Variants in THSD7B observed in about 807,000 individuals in gnomAD.
THSD7B encodes thrombospondin type-1 domain-containing protein 7B.
Under a neutral mutation model 213.6 loss-of-function variants are expected in THSD7B, and 138 were observed. The observed-to-expected ratio is 0.65, with a 90% CI of 0.56 to 0.74. The LOEUF (loss-of-function observed/expected upper bound fraction) is 0.74, where lower values mean the gene tolerates loss of function less well. THSD7B is among the 30% of genes least tolerant of loss of function. The pLI, the probability that THSD7B is intolerant of heterozygous loss-of-function variation, is 0.00. For missense variants in THSD7B, 1,931 were observed against 1,991.5 expected (o/e 0.97, Z 0.58); for synonymous variants, 742 against 687.0 (o/e 1.08, Z -1.25).
intron 2 of THSD7B, among the ~76,000 whole-genome samples, chr2:136,903,617 A>C (rs1684097449): frequency 6.6e-6 from 1 of 152,162 alleles, no homozygotes; most frequent in African/African-American, 2.4e-5. Context: ...ACAGAGGCAC[A>C]TGGCAGGCCA....
At chr2:137,235,525 A>T (rs777439411) in intron 9 of THSD7B, among the ~76,000 whole-genome samples, 1 of 152,166 alleles carries the variant, frequency 6.6e-6, no homozygotes, top group African/African-American at 2.4e-5. Flanking sequence ...GGACAGAAAA[A>T]GTTGAGTTAT....
At chr2:137,272,385 C>T in intron 10 of THSD7B, 148 bp from the exon 11 acceptor site, 1 of 672,710 alleles carries the variant, frequency 1.5e-6, no homozygotes. Flanking sequence ...GTGTTAACTC[C>T]TGGTCTTTGC....
intron 15 of THSD7B, among the ~76,000 whole-genome samples, chr2:137,502,423 C>T (rs6430723): frequency 6.6e-6 from 1 of 152,104 alleles, no homozygotes; most frequent in Non-Finnish European, 1.5e-5. Context: ...GAGAGAAAAA[C>T]AACGAGAGGG....
At chr2:137,365,434 T>G (rs1021228038) in intron 12 of THSD7B, among the ~76,000 whole-genome samples, 4 of 152,114 alleles carry the variant, frequency 2.6e-5, no homozygotes, top group African/African-American at 9.7e-5. Context: ...CAAAAGAAAC[T>G]ACCATCAGAG....
chr2:137,030,554 T>C lies in THSD7B; in HGVS notation c.140-25866T>C, dbSNP rs1001393828. Among the ~76,000 whole-genome samples, 4 of 152,122 alleles carry C rather than the reference T, an allele frequency of 2.6e-5. No homozygotes were observed. In the East Asian group the frequency reaches 7.7e-4, roughly 29 times the overall value. On this transcript the variant is annotated intron_variant, in intron 2 of 27. Transcript: ENST00000409968. Reference sequence around the variant, plus strand: ...TCAGTATGTTGGGAGGATTTAGTGATAATGTATTTTAAGCACTAACACTCA... The same window carrying C: ...TCAGTATGTTGGGAGGATTTAGTGACAATGTATTTTAAGCACTAACACTCA...
At chr2:136,877,014 T>C (rs1462057281) in intron 1 of THSD7B, among the ~76,000 whole-genome samples, 4 of 152,164 alleles carry the variant, frequency 2.6e-5, no homozygotes, top group African/African-American at 7.2e-5. Context: ...GTGCAGAGTA[T>C]GCTCCCTGAT....
chr2:137,071,075 C>T (rs1687476993), intron 3 of THSD7B, among the ~76,000 whole-genome samples: 1 of 152,072 alleles, frequency 6.6e-6, no homozygotes, highest in Non-Finnish European at 1.5e-5. Context: ...TGGGTATATA[C>T]CCAGTAATGG....
At chr2:137,327,273 T>C (rs916278219) in intron 12 of THSD7B, among the ~76,000 whole-genome samples, 2 of 152,234 alleles carry the variant, frequency 1.3e-5, no homozygotes, top group South Asian at 2.1e-4. Context: ...CTGAGCATTG[T>C]AGATCTCCTT....
At chr2:137,661,880 A>G (rs1683350694) in intron 25 of THSD7B, among the ~76,000 whole-genome samples, 1 of 152,002 alleles carries the variant, frequency 6.6e-6, no homozygotes, top group Non-Finnish European at 1.5e-5. Flanking sequence ...TGTTTACTGA[A>G]GTTGTACACA....
Position 136,960,197 on chromosome 2 carries a change from G to A in THSD7B, c.139+77880G>A, listed in dbSNP as rs565244620. ...GGCTGGAGTGCAATGGCGTGATCATGGTTCACTGTGGCCTCCACCTCCCAG... is the reference window on the plus strand; with the variant it reads ...GGCTGGAGTGCAATGGCGTGATCATAGTTCACTGTGGCCTCCACCTCCCAG... On this transcript the variant is annotated intron_variant, in intron 2 of 27. Coordinates refer to ENST00000409968, the MANE Select transcript of THSD7B (RefSeq NM_001316349.2). 7.9e-5 allele frequency among the ~76,000 whole-genome samples: 12 copies of A among 152,202 alleles called. No individual in the cohort carries two copies. The East Asian group carries it at 2.1e-3, about 27-fold the overall frequency.
At chr2:137,156,191 G>A (rs1407940238) in intron 5 of THSD7B, 1 of 152,134 alleles carries the variant, frequency 6.6e-6, no homozygotes, top group Non-Finnish European at 1.5e-5. Flanking sequence ...GTCTGAAGCT[G>A]GTAAGTTCTT....
intron 19 of THSD7B, 94 bp downstream of exon 19, chr2:137,618,601 A>C (rs907492349): frequency 3.6e-6 from 4 of 1,097,928 alleles, no homozygotes; most frequent in Non-Finnish European, 5.3e-6. Context: ...TAACAGACTG[A>C]TTTCTTCTCA....
rs1346862031 is a variant in THSD7B at position 137,046,766 on chromosome 2, G to A, written c.140-9654G>A. Reference sequence around the variant, plus strand: ...AAAAAAAAAAAAAAATTAAAAGACAGTCCATATGGCCGCCCAGGTATTGGA... The same window carrying A: ...AAAAAAAAAAAAAAATTAAAAGACAATCCATATGGCCGCCCAGGTATTGGA... On this transcript the variant is annotated intron_variant, in intron 2 of 27. Coordinates refer to ENST00000409968, the MANE Select transcript of THSD7B (RefSeq NM_001316349.2). Among the ~76,000 whole-genome samples, 6 of 147,142 alleles carry A rather than the reference G, an allele frequency of 4.1e-5. No individual in the cohort carries two copies. The East Asian group carries it at 1.3e-3, about 31-fold the overall frequency.
At chr2:137,075,791 T>G (rs1447104418) in intron 3 of THSD7B, among the ~76,000 whole-genome samples, 1 of 152,172 alleles carries the variant, frequency 6.6e-6, no homozygotes, top group South Asian at 2.1e-4. Context: ...TGTGTGTTAG[T>G]TTTCCTTCAA....
intron 2 of THSD7B, among the ~76,000 whole-genome samples, chr2:136,949,190 T>C (rs761151170): frequency 8.5e-5 from 13 of 152,206 alleles, no homozygotes; most frequent in Non-Finnish European, 1.3e-4. Flanking sequence ...CACCTTTTAT[T>C]GTATCCTGCA....
chr2:136,833,511 T>C (rs1245085245), intron 1 of THSD7B, among the ~76,000 whole-genome samples: 1 of 147,242 alleles, frequency 6.8e-6, no homozygotes, highest in Non-Finnish European at 1.5e-5. Context: ...AGGCAATAAT[T>C]AGAGCTAATC....
chr2:137,374,070 G>T (rs1685596229), intron 12 of THSD7B, among the ~76,000 whole-genome samples: 1 of 150,000 alleles, frequency 6.7e-6, no homozygotes, highest in South Asian at 2.2e-4. Flanking sequence ...CTCTGTTTTG[G>T]TACCAGTACC....
intron 7 of THSD7B, among the ~76,000 whole-genome samples, chr2:137,222,302 A>G (rs1342771746): frequency 6.6e-6 from 1 of 152,192 alleles, no homozygotes; most frequent in East Asian, 1.9e-4. Context: ...ATTTTGGTAA[A>G]TGTCAAAAGC....
chr2:136,899,853 A>T (rs1684035828), intron 2 of THSD7B, among the ~76,000 whole-genome samples: 1 of 152,212 alleles, frequency 6.6e-6, no homozygotes, highest in Admixed American at 6.5e-5. Context: ...ACATGTTGCT[A>T]ATATGCCAGT....
Sources: allele counts gnomAD v4.1 joint callset (sites outside exome capture counted in the v4.1 genomes callset), GRCh38; gene constraint gnomAD v4.1.1; transcripts MANE v1.5; gene names NCBI Gene and HGNC (gene_info 2026-07-23, HGNC 2026-07-21).